NOL4: variants seen among roughly 807,000 people sequenced by gnomAD.
NOL4 encodes the protein nucleolar protein 4.
NOL4 carries 17 observed loss-of-function variants against 75.9 expected under a neutral mutation model. The observed-to-expected ratio is 0.22, with a 90% CI of 0.15 to 0.34. The LOEUF is 0.34. Among genes scored for constraint, NOL4 ranks in the 10% least tolerant of loss-of-function variants. The pLI is 1.00. For missense variants in NOL4, 614 were observed against 793.5 expected (o/e 0.77, Z 2.72); for synonymous variants, 292 against 289.9 (o/e 1.01, Z -0.07).
At chr18:34,166,934 A>AG (rs1049833859) in intron 1 of NOL4, among the ~76,000 whole-genome samples, 1 of 93,862 alleles carries the variant, frequency 1.1e-5, no homozygotes, top group African/African-American at 3.9e-5. Context: ...GCTACTGGGG[A>AG]GGCTGAGGCA....
chr18:33,875,771 ATAT>A (rs1397998614), intron 10 of NOL4, among the ~76,000 whole-genome samples: 1 of 152,020 alleles, frequency 6.6e-6, no homozygotes, highest in African/African-American at 2.4e-5. Flanking sequence ...TATTAAGCAA[ATAT>A]TATTGAGCAC....
At chr18:34,102,815 T>C (rs185952664) in intron 4 of NOL4, among the ~76,000 whole-genome samples, 1 of 152,148 alleles carries the variant, frequency 6.6e-6, no homozygotes, top group East Asian at 1.9e-4. Context: ...TTTTTATCAT[T>C]CTCAGGGATG....
chr18:33,960,326 T>C (rs749093577), intron 6 of NOL4, among the ~76,000 whole-genome samples: 6 of 152,030 alleles, frequency 3.9e-5, no homozygotes, highest in Admixed American at 6.6e-5. Flanking sequence ...TAGAAGGAAA[T>C]AGTGACAAGC....
In NOL4 at chr18:34,163,611, A is replaced by G. The variant is rs184148489; in HGVS notation, c.265-33591T>C. On this transcript the variant is annotated intron_variant, in intron 1 of 10. Transcript: ENST00000261592. ...AAAGAGGATACAAACAAATGGAAGA[A>G]CATTCCATGCTCATGGGTAGGAAGA... Among the ~76,000 whole-genome samples, 631 of 152,306 alleles carry G rather than the reference A, an allele frequency of 4.1e-3. 5 individuals are homozygous for G. Among genetic ancestry groups the G allele is most frequent in the African/African-American group, 0.014 (571 of 41,568 alleles).
rs537880587 is a variant in NOL4, at chr18:33,895,947, T to C, written c.1543-12523A>G. Among the ~76,000 whole-genome samples the C allele has an allele frequency of 7.9e-4, 120 of 152,116 alleles. 1 individual carries two copies. Among genetic ancestry groups the C allele is most frequent in the Non-Finnish European group, 4.4e-4 (30 of 67,940 alleles). ...AAGCTCCTACAGCTGATAAACAACT[T>C]AGCAAAGTTTCAGGATACAGAATCA... On this transcript the variant is annotated intron_variant, in intron 9 of 10. Transcript: ENST00000261592.
At position 34,223,055 on chromosome 18, in the gene NOL4, G is replaced by T. The variant is rs1406748999; in HGVS notation, c.199C>A (p.Pro67Thr). 2 of 1,613,688 alleles carry T rather than the reference G, an allele frequency of 1.2e-6. No homozygotes were observed. The highest frequency in any genetic ancestry group is 1.7e-5 in the Admixed American group (1 of 60,010). The change falls in exon 1 of 11, where the codon CCG (proline) becomes ACG (threonine). Residue 67 changes from proline to threonine, a missense_variant. Around this residue, in one of 9 missense-constraint regions of NOL4, gnomAD observed 49 missense variants for 39.6 expected, o/e 1.24. Coordinates refer to ENST00000261592, the MANE Select transcript of NOL4 (RefSeq NM_003787.5). ...VKSKGFQLGQPDEVRGGGGGA... is the reference protein window; with the variant it reads ...VKSKGFQLGQTDEVRGGGGGA... ...CCGCCTCCCCCGCGGACCTCGTCCG[G>T]CTGGCCCAGCTGGAAGCCCTTCGAT...
chr18:34,086,475 T>C (rs1055701429), intron 5 of NOL4, among the ~76,000 whole-genome samples: 3 of 152,112 alleles, frequency 2.0e-5, no homozygotes, highest in South Asian at 2.1e-4. Context: ...AAATTCACCA[T>C]CACAAAAAAG....
At chr18:33,967,349 C>G (rs936672420) in intron 6 of NOL4, among the ~76,000 whole-genome samples, 2 of 152,050 alleles carry the variant, frequency 1.3e-5, no homozygotes, top group African/African-American at 4.8e-5. Context: ...AATGTAAGAT[C>G]TCAAACTATA....
At chr18:33,989,009 A>G (rs1241949659) in intron 6 of NOL4, among the ~76,000 whole-genome samples, 1 of 151,662 alleles carries the variant, frequency 6.6e-6, no homozygotes, top group Non-Finnish European at 1.5e-5. Flanking sequence ...TGGTATGGGC[A>G]AGATAAAAAA....
At chr18:34,039,464 A>T (rs2076050275) in intron 5 of NOL4, among the ~76,000 whole-genome samples, 1 of 152,044 alleles carries the variant, frequency 6.6e-6, no homozygotes, top group Non-Finnish European at 1.5e-5. Flanking sequence ...AGCTCTGCAG[A>T]CATTTGCAGA....
At chr18:34,193,544 A>C (rs2035075597) in intron 1 of NOL4, among the ~76,000 whole-genome samples, 2 of 152,146 alleles carry the variant, frequency 1.3e-5, no homozygotes, top group Non-Finnish European at 1.5e-5. Flanking sequence ...ATGATATATC[A>C]TCCCATACGC....
At chr18:33,886,771 CTATATA>C (rs138280712) in intron 9 of NOL4, among the ~76,000 whole-genome samples, 1 of 137,418 alleles carries the variant, frequency 7.3e-6, no homozygotes, top group African/African-American at 2.7e-5. Context: ...ATAGATATAT[CTATATA>C]TATATATCTA....
At chr18:33,959,619 T>C (rs1261670305) in intron 6 of NOL4, among the ~76,000 whole-genome samples, 1 of 152,094 alleles carries the variant, frequency 6.6e-6, no homozygotes, top group Non-Finnish European at 1.5e-5. Context: ...TTATTTCTGT[T>C]TCATGATATA....
intron 1 of NOL4, among the ~76,000 whole-genome samples, chr18:34,140,007 C>A (rs1022012308): frequency 3.9e-5 from 6 of 152,150 alleles, no homozygotes; most frequent in African/African-American, 1.4e-4. Context: ...GTTTCTTAAT[C>A]CTGAGTTCTA....
Position 34,182,535 on chromosome 18 carries a change from A to C in NOL4, c.264+40455T>G, listed in dbSNP as rs117283321. ...TAAAACCAATAAAATATACACTTTA[A>C]AACAGTGAATTTTAAGCTAGGTAAA... On this transcript the variant is annotated intron_variant, in intron 1 of 10. Transcript: ENST00000261592. 8.5e-3 allele frequency among the ~76,000 whole-genome samples: 1,293 copies of C among 151,814 alleles called. 11 individuals are homozygous for C. The highest frequency in any genetic ancestry group is 0.012 in the Non-Finnish European group (798 of 67,680).
chr18:33,905,246 C>T (rs947691261), intron 9 of NOL4, among the ~76,000 whole-genome samples: 8 of 152,124 alleles, frequency 5.3e-5, no homozygotes, highest in Non-Finnish European at 7.4e-5. Flanking sequence ...TGTGGTCTCA[C>T]ATCCTTTTTG....
At chr18:34,063,537 T>G (rs1487846957) in intron 5 of NOL4, among the ~76,000 whole-genome samples, 2 of 152,038 alleles carry the variant, frequency 1.3e-5, no homozygotes, top group East Asian at 3.9e-4. Flanking sequence ...GAATAAATAT[T>G]CAGTATTAAA....
At chr18:34,220,227 C>G (rs1420175469) in intron 1 of NOL4, among the ~76,000 whole-genome samples, 2 of 152,144 alleles carry the variant, frequency 1.3e-5, no homozygotes, top group Non-Finnish European at 2.9e-5. Context: ...CCATCAGTCT[C>G]TCTTTCTTTC....
At chr18:34,147,360 T>G (rs1462964157) in intron 1 of NOL4, among the ~76,000 whole-genome samples, 1 of 151,954 alleles carries the variant, frequency 6.6e-6, no homozygotes, top group Non-Finnish European at 1.5e-5. Flanking sequence ...AGGTTTGTCA[T>G]AAACAGCTTA....
Sources: gnomAD v4.1 joint callset for allele counts (sites outside exome capture counted in the v4.1 genomes callset) on GRCh38, gnomAD v4.1.1 for gene constraint, gnomAD v4.1.1 regional missense constraint, MANE v1.5 for transcripts, NCBI Gene and HGNC (gene_info 2026-07-23, HGNC 2026-07-21) for gene names.